The following SLC24A1 variants were observed in gnomAD, a reference collection of about 807,000 sequenced individuals.
SLC24A1 encodes solute carrier family 24 member 1.
SLC24A1 carries 52 observed loss-of-function variants against 88.1 expected under a neutral mutation model. The observed-to-expected ratio is 0.59, with a 90% CI of 0.47 to 0.74. SLC24A1 has a LOEUF of 0.74. Among genes scored for constraint, SLC24A1 ranks in the 30% least tolerant of loss-of-function variants. The pLI, the probability that SLC24A1 is intolerant of heterozygous loss-of-function variation, is 0.00. For missense variants in SLC24A1, 1,173 were observed against 1,363.3 expected, an observed-to-expected ratio of 0.86 and a Z score of 2.20; for synonymous variants, 455 against 498.0, an observed-to-expected ratio of 0.91 and a Z score of 1.15.
Position 65,624,305 on chromosome 15 carries a change from GAGC to G in SLC24A1, c.232_234del (p.Ser78del), listed in dbSNP as rs2074422735. The G allele has an allele frequency of 6.2e-7, 1 of 1,613,718 alleles. No individual in the cohort carries two copies. The highest frequency in any genetic ancestry group is 2.2e-5 in the East Asian group (1 of 44,866). On this transcript the variant is annotated inframe_deletion, in exon 2 of 10. Coordinates refer to ENST00000261892, the MANE Select transcript of SLC24A1 (RefSeq NM_004727.3). ...TCTCCAGTGAAGAGATGATGATGAT[GAGC>G]AGCAGCCCTTCAAAACCTAGCTCCG... is the stretch of plus-strand genomic sequence containing the variant.
intron 3 of SLC24A1, 73 bp downstream of exon 3, chr15:65,638,254 T>G: frequency 9.3e-7 from 1 of 1,073,222 alleles, no homozygotes. Flanking sequence ...CCCAGGGTAT[T>G]GTGGCCCTGT....
rs752873180 is a variant in SLC24A1 at position 65,624,727 on chromosome 15, C to A, written c.647C>A (p.Pro216His). The change falls in exon 2 of 10, where the codon CCC becomes CAC. Residue 216 changes from proline (P) to histidine (H), a missense_variant. Pro to His is a moderately conservative substitution (Grantham distance 77, BLOSUM62 -2). Coordinates refer to ENST00000261892, the MANE Select transcript of SLC24A1 (RefSeq NM_004727.3). ...MTMETSHAIT[P>H]RTTVKDSDIT... ...ATGGAAACAAGCCATGCGATCACCC[C>A]CAGGACAACAGTGAAAGACAGTGAC... 1.2e-6 allele frequency: 2 copies of A among 1,612,614 alleles called. No homozygotes were observed. The highest frequency in any genetic ancestry group is 1.3e-5 in the African/African-American group (1 of 75,014).
chr15:65,629,586 C>T (rs1424108899), intron 2 of SLC24A1, among the ~76,000 whole-genome samples: 1 of 152,230 alleles, frequency 6.6e-6, no homozygotes, highest in Non-Finnish European at 1.5e-5. Context: ...GGTTTTGAAG[C>T]TCTCAGTGTA....
At chr15:65,630,758 G>A (rs1358278697) in intron 2 of SLC24A1, among the ~76,000 whole-genome samples, 5 of 152,298 alleles carry the variant, frequency 3.3e-5, no homozygotes, top group African/African-American at 4.8e-5. Context: ...ATCACTTGAG[G>A]TCAGGAGTTC....
chr15:65,619,526 TTGC>T (rs1216529832), upstream of SLC24A1, among the ~76,000 whole-genome samples: 1 of 151,984 alleles, frequency 6.6e-6, no homozygotes, highest in Non-Finnish European at 1.5e-5. Flanking sequence ...CCATCAATGC[TTGC>T]TGTCTGCCAG....
At chr15:65,659,339 T>G (rs1391729934), downstream of SLC24A1, 5 of 134,188 alleles carry the variant, frequency 3.7e-5, 1 homozygote, top group African/African-American at 1.4e-4. Flanking sequence ...TTTTTTTTTT[T>G]TTTTTTTTTT....
At position 65,625,500 on chromosome 15, in the gene SLC24A1, G is replaced by A. The variant is rs2074479114; in HGVS notation, c.1420G>A (p.Asp474Asn). The stretch of plus-strand genomic sequence containing the variant: ...GTTTGTGGCCTTGGCCATTGTTTGC[G>A]ACGAGTACTTCGTTCCAGCCCTGGG... ...YVFVALAIVC[D>N]EYFVPALGVI... The change falls in exon 2 of 10, where the codon GAC becomes AAC. Residue 474 changes from aspartate to asparagine, a missense_variant. By Grantham distance (23) the Asp-to-Asn change is conservative. Transcript: ENST00000261892. 5 of 1,613,918 alleles carry A rather than the reference G, an allele frequency of 3.1e-6. No individual in the cohort carries two copies. The highest frequency in any genetic ancestry group is 1.3e-5 in the African/African-American group (1 of 74,926).
chr15:65,634,034 A>G (rs2074822343), intron 2 of SLC24A1, among the ~76,000 whole-genome samples: 2 of 152,270 alleles, frequency 1.3e-5, no homozygotes, highest in African/African-American at 4.8e-5. Flanking sequence ...GTGGGCTGTG[A>G]GGGAGAGGGA....
rs201406843 is a variant in SLC24A1, at chr15:65,639,647, C to G, written c.1997C>G (p.Thr666Ser). ...AGCTCGACCTCTCTGCACAACAGCA[C>G]CATCCGCAGCACCATCTACCAGCTC... Reference protein sequence around the residue: ...GSSSTSLHNSTIRSTIYQLML... With the variant: ...GSSSTSLHNSSIRSTIYQLML... The change falls in exon 4 of 10, where the codon ACC becomes AGC. Residue 666 changes from threonine (T) to serine (S), a missense_variant. Transcript: ENST00000261892. 1.2e-6 allele frequency: 2 copies of G among 1,613,078 alleles called. No homozygotes were observed. Among genetic ancestry groups the G allele is most frequent in the Admixed American group, 1.7e-5 (1 of 59,940 alleles).
chr15:65,625,573 C>T lies in SLC24A1; in HGVS notation c.1493C>T (p.Thr498Ile). 2 of 1,614,048 alleles carry T rather than the reference C, an allele frequency of 1.2e-6. No homozygotes were observed. Among genetic ancestry groups the T allele is most frequent in the Non-Finnish European group, 1.7e-6 (2 of 1,179,902 alleles). Residue 498 changes from threonine to isoleucine, a missense_variant, in exon 2 of 10, where the codon ACA becomes ATA. Coordinates refer to ENST00000261892, the MANE Select transcript of SLC24A1 (RefSeq NM_004727.3). ...ATCTCCGAGGATGTGGCAGGCGCCA[C>T]ATTCATGGCTGCTGGAGGCTCTGCT... Reference protein sequence around the residue: ...LQISEDVAGATFMAAGGSAPE... With the variant: ...LQISEDVAGAIFMAAGGSAPE...
rs1400497236 is a variant in SLC24A1, at chr15:65,652,506, T to C, written c.2884-136T>C. 1.1e-5 allele frequency: 8 copies of C among 703,686 alleles called. No homozygotes were observed. In the East Asian group the frequency reaches 1.9e-4, roughly 17 times the overall value. 43.6% of individuals were successfully genotyped at this position (703,686 alleles called of 1,614,324 possible). A position where few individuals can be genotyped will look rare whatever the true frequency, so the allele number is the denominator to read the frequency against. ...GCCATCTCAGCTGTCGGTCCCCCTATCACCCTTCCTCACTCAGGCTGAGGG... is the reference window on the plus strand; with the variant it reads ...GCCATCTCAGCTGTCGGTCCCCCTACCACCCTTCCTCACTCAGGCTGAGGG... On this transcript the variant is annotated intron_variant, in intron 8 of 9. Coordinates refer to ENST00000261892, the MANE Select transcript of SLC24A1 (RefSeq NM_004727.3).
At chr15:65,648,003 G>A (rs1266812683) in intron 6 of SLC24A1, among the ~76,000 whole-genome samples, 2 of 152,304 alleles carry the variant, frequency 1.3e-5, no homozygotes, top group East Asian at 3.9e-4. Context: ...GCTCACGCCT[G>A]TAATCCCAGC....
intron 2 of SLC24A1, among the ~76,000 whole-genome samples, chr15:65,636,361 A>G (rs968533793): frequency 5.3e-5 from 8 of 152,280 alleles, no homozygotes; most frequent in African/African-American, 1.7e-4. Flanking sequence ...GAGGTGGGTG[A>G]GTCACTTGGG....
At chr15:65,651,002 G>A (rs1330164194) in intron 7 of SLC24A1, 60 bp downstream of exon 7, 27 of 1,413,870 alleles carry the variant, frequency 1.9e-5, no homozygotes, top group South Asian at 1.5e-4. Flanking sequence ...GGGGTCTCTC[G>A]GCATGCGGGG....
At chr15:65,660,647 A>G (rs1014673960), downstream of SLC24A1, 1 of 195,130 alleles carries the variant, frequency 5.1e-6, no homozygotes, top group Non-Finnish European at 1.0e-5. Flanking sequence ...CATGATGTCT[A>G]AACTTTCAAT....
At chr15:65,613,186 T>C (rs2074025593) in intron 2 of SLC24A1, among the ~76,000 whole-genome samples, 1 of 152,252 alleles carries the variant, frequency 6.6e-6, no homozygotes, top group Non-Finnish European at 1.5e-5. Context: ...TAGTTTCCTT[T>C]GCATAATCTC....
chr15:65,635,467 A>AAAAG (rs2074897209), intron 2 of SLC24A1, among the ~76,000 whole-genome samples: 1 of 150,034 alleles, frequency 6.7e-6, no homozygotes, highest in Non-Finnish European at 1.5e-5. Flanking sequence ...AAAAAAAAAA[A>AAAAG]AAAGAAAAAA....
intron 4 of SLC24A1, chr15:65,642,911 C>T: frequency 1.1e-6 from 1 of 932,206 alleles, no homozygotes; most frequent in Non-Finnish European, 1.5e-6. Flanking sequence ...CGTTTCCTCT[C>T]AGTCCGTCTG....
At chr15:65,626,126 G>A (rs1300456937) in intron 2 of SLC24A1, among the ~76,000 whole-genome samples, 156 bp downstream of exon 2, 1 of 152,212 alleles carries the variant, frequency 6.6e-6, no homozygotes, top group African/African-American at 2.4e-5. Flanking sequence ...CCTGTTCTCT[G>A]CCAGGCACTG....
Sources: allele counts gnomAD v4.1 joint callset (sites outside exome capture counted in the v4.1 genomes callset), GRCh38; gene constraint gnomAD v4.1.1; transcripts MANE v1.5; gene names NCBI Gene and HGNC (gene_info 2026-07-23, HGNC 2026-07-21).